Variants in TASP1 observed in about 807,000 individuals in gnomAD.
The protein encoded by TASP1 is taspase 1, also known as threonine aspartase 1.
Under a neutral mutation model 56.6 loss-of-function variants are expected in TASP1, and 16 were observed. The observed-to-expected ratio is 0.28, with a 90% CI of 0.19 to 0.43. The LOEUF (loss-of-function observed/expected upper bound fraction) is 0.43, where lower values mean the gene tolerates loss of function less well. TASP1 is among the 20% of genes least tolerant of loss of function. The pLI, the probability that TASP1 is intolerant of heterozygous loss-of-function variation, is 1.00. For synonymous variants in TASP1, 179 were observed against 184.2 expected, an observed-to-expected ratio of 0.97 and a Z score of 0.23; for missense variants, 393 against 511.6, an observed-to-expected ratio of 0.77 and a Z score of 2.24.
chr20:13,557,914 C>G (rs1361963793), intron 8 of TASP1, among the ~76,000 whole-genome samples: 1 of 152,072 alleles, frequency 6.6e-6, no homozygotes, highest in African/African-American at 2.4e-5. Context: ...TAAATTCATT[C>G]ACCCACACAT....
intron 8 of TASP1, among the ~76,000 whole-genome samples, chr20:13,553,083 A>C (rs2046034409): frequency 2.6e-5 from 4 of 152,078 alleles, no homozygotes; most frequent in Admixed American, 2.6e-4. Flanking sequence ...CTACAGGTGC[A>C]TGCCACCATG....
Position 13,465,162 on chromosome 20 carries a change from C to T in TASP1, c.985+18065G>A, listed in dbSNP as rs192608618. 3.8e-4 allele frequency among the ~76,000 whole-genome samples: 54 copies of T among 140,872 alleles called. 1 individual carries two copies. The highest frequency in any genetic ancestry group is 1.3e-3 in the African/African-American group (50 of 37,156). 92.4% of individuals were successfully genotyped at this position (140,872 alleles called of 152,430 possible). A position where few individuals can be genotyped will look rare whatever the true frequency, so the allele number is the denominator to read the frequency against. On this transcript the variant is annotated intron_variant, in intron 11 of 13. Transcript: ENST00000337743. ...TTCCAGCCTAGGTGACAGAGCAAGA[C>T]CCCCTTTCTCTCTCCCAAAAAAAAA...
intron 12 of TASP1, among the ~76,000 whole-genome samples, chr20:13,431,118 CAGTTA>C (rs552161545): frequency 2.6e-5 from 4 of 151,790 alleles, no homozygotes; most frequent in Non-Finnish European, 4.4e-5. Context: ...CAATACACAG[CAGTTA>C]AGTTTTTTTT....
the TASP1 span, among the ~76,000 whole-genome samples, chr20:13,215,066 C>T: frequency 6.6e-6 from 1 of 152,086 alleles, no homozygotes; most frequent in African/African-American, 2.4e-5. Flanking sequence ...TGGATATGCA[C>T]CCAGGATACA....
At chr20:13,424,241 G>C (rs1189028041) in intron 12 of TASP1, among the ~76,000 whole-genome samples, 1 of 152,092 alleles carries the variant, frequency 6.6e-6, no homozygotes, top group Non-Finnish European at 1.5e-5. Context: ...TATTAGTTAA[G>C]TCCTAATGTA....
chr20:13,443,624 G>C (rs1204007675), intron 11 of TASP1, among the ~76,000 whole-genome samples: 1 of 152,144 alleles, frequency 6.6e-6, no homozygotes, highest in African/African-American at 2.4e-5. Flanking sequence ...CATTCACTTA[G>C]GTTGTAAATC....
the TASP1 span, chr20:13,168,462 C>T: frequency 0.02 from 3,003 of 152,336 alleles, 56 homozygotes; most frequent in South Asian, 0.03. Flanking sequence ...GGATTACAGG[C>T]GTGAGCCACC....
the TASP1 span, among the ~76,000 whole-genome samples, chr20:13,271,007 T>C: frequency 2.0e-5 from 3 of 152,182 alleles, no homozygotes; most frequent in African/African-American, 7.2e-5. Flanking sequence ...GATTACAAGA[T>C]ACATACTAAT....
chr20:13,208,622 C>A, the TASP1 span, among the ~76,000 whole-genome samples: 1 of 152,204 alleles, frequency 6.6e-6, no homozygotes, highest in African/African-American at 2.4e-5. Context: ...GCATAAGTGA[C>A]ATCCTACAAC....
At chr20:13,463,762 T>C (rs1044084111) in intron 11 of TASP1, among the ~76,000 whole-genome samples, 1 of 152,112 alleles carries the variant, frequency 6.6e-6, no homozygotes, top group African/African-American at 2.4e-5. Context: ...TTAATGTCAC[T>C]AATTAATAAC....
At chr20:13,193,997 T>C in the TASP1 span, among the ~76,000 whole-genome samples, 1 of 152,208 alleles carries the variant, frequency 6.6e-6, no homozygotes, top group Non-Finnish European at 1.5e-5. Context: ...TTTCAATCTA[T>C]GTAATTTATG....
the TASP1 span, among the ~76,000 whole-genome samples, chr20:13,187,032 C>G: frequency 6.6e-6 from 1 of 152,202 alleles, no homozygotes; most frequent in Admixed American, 6.5e-5. Context: ...AGATAAAACT[C>G]TAAGAGAATC....
chr20:13,410,634 GA>G (rs1274182611), intron 13 of TASP1, among the ~76,000 whole-genome samples: 2 of 152,088 alleles, frequency 1.3e-5, no homozygotes, highest in Non-Finnish European at 2.9e-5. Context: ...CTTCTTTTGA[GA>G]GGTATCTACT....
the TASP1 span, among the ~76,000 whole-genome samples, chr20:13,366,892 T>A: frequency 6.6e-6 from 1 of 150,994 alleles, no homozygotes; most frequent in Non-Finnish European, 1.5e-5. Context: ...ACACTCTCTC[T>A]CACACACACA....
chr20:13,627,725 C>G (rs913083991), intron 2 of TASP1, among the ~76,000 whole-genome samples: 3 of 79,528 alleles, frequency 3.8e-5, no homozygotes, highest in Non-Finnish European at 6.4e-5. Flanking sequence ...AAGAGCGAAA[C>G]TTAGTCTTAA....
chr20:13,559,437 T>C (rs1444289058), intron 7 of TASP1, among the ~76,000 whole-genome samples: 1 of 152,066 alleles, frequency 6.6e-6, no homozygotes, highest in Non-Finnish European at 1.5e-5. Flanking sequence ...AGACGAAACT[T>C]GGGCACAATG....
At chr20:13,116,440 G>A in the TASP1 span, among the ~76,000 whole-genome samples, 2 of 152,172 alleles carry the variant, frequency 1.3e-5, no homozygotes, top group Non-Finnish European at 2.9e-5. Context: ...AAAGTGTTCT[G>A]AGAACTGATT....
chr20:13,504,796 A>G (rs1343727971), intron 10 of TASP1, among the ~76,000 whole-genome samples: 2 of 152,148 alleles, frequency 1.3e-5, no homozygotes, highest in Non-Finnish European at 2.9e-5. Context: ...TTTCATAACT[A>G]TACAATTTTT....
intron 10 of TASP1, among the ~76,000 whole-genome samples, chr20:13,487,348 G>A (rs1226089475): frequency 1.3e-5 from 2 of 152,118 alleles, no homozygotes; most frequent in Non-Finnish European, 2.9e-5. Context: ...CCTGCCTGAT[G>A]ACTCAGTATT....
Sources: gnomAD v4.1 joint callset for allele counts (sites outside exome capture counted in the v4.1 genomes callset) on GRCh38, gnomAD v4.1.1 for gene constraint, MANE v1.5 for transcripts, NCBI Gene and HGNC (gene_info 2026-07-23, HGNC 2026-07-21) for gene names.